Variants in RAP1GAP2 observed in about 807,000 individuals in gnomAD.
RAP1GAP2 encodes the protein RAP1 GTPase activating protein 2, also known as rap1 GTPase-activating protein 2.
A neutral mutation model predicts 95.0 loss-of-function variants in RAP1GAP2; 27 were observed. The ratio of observed to expected loss-of-function variants is 0.28; its 90% confidence interval spans 0.21 to 0.39. RAP1GAP2 has a LOEUF of 0.39. Among genes scored for constraint, RAP1GAP2 ranks in the 10% least tolerant of loss-of-function variants. The pLI, the probability that RAP1GAP2 is intolerant of heterozygous loss-of-function variation, is 1.00. For missense variants in RAP1GAP2, 771 were observed against 970.0 expected (o/e 0.79, Z 2.72); for synonymous variants, 373 against 380.9 (o/e 0.98, Z 0.24).
chr17:2,792,792 G>A (rs1351185378), upstream of RAP1GAP2, among the ~76,000 whole-genome samples: 1 of 152,236 alleles, frequency 6.6e-6, no homozygotes, highest in African/African-American at 2.4e-5. Context: ...AGCAGCGGAG[G>A]CCTCGAAACG....
At chr17:2,983,665 GT>G (rs986866429) in intron 10 of RAP1GAP2, among the ~76,000 whole-genome samples, 1 of 152,046 alleles carries the variant, frequency 6.6e-6, no homozygotes, top group South Asian at 2.1e-4. Flanking sequence ...ACACACCAAG[GT>G]TTTTTTCCTA....
chr17:3,014,610 T>A (rs1421699136), intron 17 of RAP1GAP2, among the ~76,000 whole-genome samples: 2 of 148,076 alleles, frequency 1.4e-5, no homozygotes, highest in African/African-American at 5.0e-5. Context: ...AGTGCAGTGG[T>A]GCGATCTCGG....
At chr17:2,954,657 G>T (rs541722835) in intron 3 of RAP1GAP2, among the ~76,000 whole-genome samples, 1 of 151,866 alleles carries the variant, frequency 6.6e-6, no homozygotes, top group African/African-American at 2.4e-5. Context: ...GCAATGGTGC[G>T]ATCTCTGCTC....
intron 2 of RAP1GAP2, among the ~76,000 whole-genome samples, chr17:2,810,359 CGTTTT>C (rs1423909328): frequency 6.9e-6 from 1 of 144,478 alleles, no homozygotes; most frequent in African/African-American, 2.6e-5. Context: ...TCAAATTAGT[CGTTTT>C]TTTTTTTTAA....
chr17:2,965,558 T>G lies in RAP1GAP2; in HGVS notation c.511T>G (p.Cys171Gly). The change falls in exon 8 of 25, where the codon TGT becomes GGT. Residue 171 changes from cysteine (C) to glycine (G), a missense_variant. Cys to Gly is a radical substitution (Grantham distance 159). Coordinates refer to ENST00000254695, the MANE Select transcript of RAP1GAP2 (RefSeq NM_015085.5). This position sits in a 1 kb window ranked among gnomAD's most constrained non-coding sequence, Gnocchi z 4.7. ...FLGKDHLNFY[C>G]TGSSLGNLIL... ...TTTTTAGGATCATCTAAACTTTTACTGTACCGGCAGCAGCCTGGGGAACTT... is the reference window on the plus strand; with the variant it reads ...TTTTTAGGATCATCTAAACTTTTACGGTACCGGCAGCAGCCTGGGGAACTT... The G allele has an allele frequency of 6.2e-7, 1 of 1,612,436 alleles. No homozygotes were observed. The highest frequency in any genetic ancestry group is 8.5e-7 in the Non-Finnish European group (1 of 1,179,326).
At chr17:2,792,436 G>T (rs375400117), upstream of RAP1GAP2, among the ~76,000 whole-genome samples, 11 of 152,328 alleles carry the variant, frequency 7.2e-5, no homozygotes, top group African/African-American at 2.6e-4. Flanking sequence ...GAGAGATTAG[G>T]TAACTTGCCC....
intron 2 of RAP1GAP2, among the ~76,000 whole-genome samples, chr17:2,829,128 A>G (rs1597387971): frequency 1.3e-5 from 2 of 150,440 alleles, no homozygotes; most frequent in Admixed American, 1.3e-4. Flanking sequence ...GATTACAGGC[A>G]CCCGCCACCA....
At chr17:2,805,126 CTGAA>C (rs2069459344) in intron 2 of RAP1GAP2, among the ~76,000 whole-genome samples, 1 of 152,164 alleles carries the variant, frequency 6.6e-6, no homozygotes, top group South Asian at 2.1e-4. Context: ...TCTGTATTTG[CTGAA>C]TGAATCAACA....
chr17:2,961,286 G>A (rs1335624767), intron 4 of RAP1GAP2, among the ~76,000 whole-genome samples: 3 of 151,634 alleles, frequency 2.0e-5, no homozygotes, highest in Non-Finnish European at 2.9e-5. Flanking sequence ...AAGCCAAGGC[G>A]GGTGGATCAC....
rs747219400 is a variant in RAP1GAP2, at chr17:2,834,736, G to A, written c.80+34186G>A. 4.8e-4 allele frequency among the ~76,000 whole-genome samples: 73 copies of A among 152,026 alleles called. 1 individual carries two copies. Among genetic ancestry groups the A allele is most frequent in the Admixed American group, 5.3e-4 (8 of 15,212 alleles). On this transcript the variant is annotated intron_variant, in intron 2 of 24. Coordinates refer to ENST00000254695, the MANE Select transcript of RAP1GAP2 (RefSeq NM_015085.5). ...TGCTTGAGCCCACGAGGTTGAGGCT[G>A]TAGGGAGCTGTGATCTCATCACTGT...
chr17:2,832,083 A>G (rs1256797463), intron 2 of RAP1GAP2, among the ~76,000 whole-genome samples: 1 of 151,588 alleles, frequency 6.6e-6, no homozygotes, highest in African/African-American at 2.4e-5. Flanking sequence ...GGGTGCCTGT[A>G]ATCCCAGCTA....
At position 2,868,516 on chromosome 17, in the gene RAP1GAP2, A is replaced by ATTT. The variant is rs71153307; in HGVS notation, c.81-36751_81-36749dup. 3.3e-3 allele frequency among the ~76,000 whole-genome samples: 410 copies of ATTT among 122,804 alleles called. 7 individuals carry two copies. The highest frequency in any genetic ancestry group is 0.011 in the African/African-American group (368 of 33,364). 80.6% of individuals were successfully genotyped at this position (122,804 alleles called of 152,430 possible). A position where few individuals can be genotyped will look rare whatever the true frequency, so the allele number is the denominator to read the frequency against. On this transcript the variant is annotated intron_variant, in intron 2 of 24. Coordinates refer to ENST00000254695, the MANE Select transcript of RAP1GAP2 (RefSeq NM_015085.5). Reference sequence around the variant, plus strand: ...TTTAGCAATTCCTCTACCAGGTGCAATTTTTTTTTTTTTTTTTTTGAGATG... The same window carrying ATTT: ...TTTAGCAATTCCTCTACCAGGTGCAATTTTTTTTTTTTTTTTTTTTTTGAGATG...
At chr17:3,023,190 G>A (rs1292879083) in intron 19 of RAP1GAP2, among the ~76,000 whole-genome samples, 2 of 152,140 alleles carry the variant, frequency 1.3e-5, no homozygotes, top group Non-Finnish European at 2.9e-5. Context: ...GAGGATTTTT[G>A]CATCTGTGTT....
rs561279645 is a variant in RAP1GAP2, at chr17:2,800,167, G to A, written c.45-348G>A. 1.9e-4 allele frequency: 184 copies of A among 985,290 alleles called. 1 individual carries two copies. In the South Asian group the frequency reaches 5.5e-3, roughly 29 times the overall value. 61.0% of individuals were successfully genotyped at this position (985,290 alleles called of 1,614,324 possible). A position where few individuals can be genotyped will look rare whatever the true frequency, so the allele number is the denominator to read the frequency against. ...GCTGGGTTCTCTTGCGAGGGTAGCC[G>A]TAATAAAGGGAGAGGCTGCATACAA... On this transcript the variant is annotated intron_variant, in intron 1 of 24. Transcript: ENST00000254695.
chr17:2,919,689 T>C (rs2042686108), intron 3 of RAP1GAP2, among the ~76,000 whole-genome samples: 1 of 152,090 alleles, frequency 6.6e-6, no homozygotes, highest in South Asian at 2.1e-4. Context: ...CTTAGCCCTC[T>C]CCTTTTTCCT....
At chr17:2,782,154 C>T (rs1009259786) in intron 1 of RAP1GAP2, among the ~76,000 whole-genome samples, 1 of 152,214 alleles carries the variant, frequency 6.6e-6, no homozygotes, top group Non-Finnish European at 1.5e-5. Context: ...ATCCCGCCCT[C>T]TCTCCAGGCT....
At chr17:2,823,302 C>G (rs988977828) in intron 2 of RAP1GAP2, among the ~76,000 whole-genome samples, 1 of 152,130 alleles carries the variant, frequency 6.6e-6, no homozygotes, top group Admixed American at 6.6e-5. Flanking sequence ...TCTCCCACCC[C>G]GGGGCCTAAG....
chr17:2,936,603 C>A (rs910208815), intron 3 of RAP1GAP2, among the ~76,000 whole-genome samples: 1 of 152,072 alleles, frequency 6.6e-6, no homozygotes, highest in Non-Finnish European at 1.5e-5. Flanking sequence ...TACCCTCCCC[C>A]GGTGCCCCAA....
chr17:2,835,728 A>G (rs1211067511), intron 2 of RAP1GAP2, among the ~76,000 whole-genome samples: 2 of 152,240 alleles, frequency 1.3e-5, no homozygotes, highest in Non-Finnish European at 2.9e-5. Flanking sequence ...GACCCTGTCT[A>G]TAAATAAATA....
Sources: gnomAD v4.1 joint callset for allele counts (sites outside exome capture counted in the v4.1 genomes callset) on GRCh38, gnomAD v4.1.1 for gene constraint, Gnocchi (gnomAD v3.1) non-coding constraint, MANE v1.5 for transcripts, NCBI Gene and HGNC (gene_info 2026-07-23, HGNC 2026-07-21) for gene names.